Variants in IL1RAPL1 observed in about 807,000 individuals in gnomAD.
The protein encoded by IL1RAPL1 is interleukin 1 receptor accessory protein like 1.
IL1RAPL1 carries 3 observed loss-of-function variants against 48.4 expected under a neutral mutation model. That is an observed-to-expected ratio of 0.06 (90% CI 0.03 to 0.16). The LOEUF (loss-of-function observed/expected upper bound fraction) is 0.16, where lower values mean the gene tolerates loss of function less well. Ranked by LOEUF, IL1RAPL1 falls within the 10% of genes least tolerant of loss-of-function variation. The probability of loss-of-function intolerance (pLI) is 1.00; values close to 1 mark genes in which losing one functional copy is unlikely to be tolerated. For synonymous variants in IL1RAPL1, 185 were observed against 187.7 expected, an observed-to-expected ratio of 0.99 and a Z score of 0.12; for missense variants, 349 against 530.6, an observed-to-expected ratio of 0.66 and a Z score of 3.36.
chrX:28,723,042 G>T (rs1935609405), intron 1 of IL1RAPL1, among the ~76,000 whole-genome samples: 1 of 111,516 alleles, frequency 9.0e-6, no homozygotes, highest in African/African-American at 3.3e-5. Context: ...AGGGATATTG[G>T]TCTAAAATTC....
intron 1 of IL1RAPL1, among the ~76,000 whole-genome samples, chrX:28,655,811 G>T (rs1305375552): frequency 2.7e-5 from 3 of 111,562 alleles, no homozygotes; most frequent in Non-Finnish European, 1.9e-5. Context: ...TATTAAAAAG[G>T]TAATGAAAGA....
intron 1 of IL1RAPL1, among the ~76,000 whole-genome samples, chrX:28,647,103 A>G (rs949876901): frequency 8.9e-6 from 1 of 112,019 alleles, no homozygotes; most frequent in African/African-American, 3.2e-5. Context: ...CTCAGAATTG[A>G]TTCTTCTTCA....
At chrX:28,634,564 A>G (rs1350268709) in intron 1 of IL1RAPL1, among the ~76,000 whole-genome samples, 1 of 108,860 alleles carries the variant, frequency 9.2e-6, no homozygotes, top group Admixed American at 1.0e-4. Flanking sequence ...ATTTTCCCCA[A>G]CTCCTGCCAG....
chrX:28,736,331 G>A (rs756572036), intron 1 of IL1RAPL1, among the ~76,000 whole-genome samples: 3 of 109,687 alleles, frequency 2.7e-5, no homozygotes, highest in South Asian at 8.0e-4. Context: ...CTACTTGGGA[G>A]GCTGAGGCAG....
chrX:29,393,481 A>G (rs1345461950), intron 3 of IL1RAPL1, among the ~76,000 whole-genome samples: 1 of 110,629 alleles, frequency 9.0e-6, no homozygotes, highest in Non-Finnish European at 1.9e-5. Flanking sequence ...TTGAGATTGA[A>G]CCCATGAGGT....
chrX:29,405,656 A>G (rs56408418), intron 5 of IL1RAPL1, among the ~76,000 whole-genome samples: 14,279 of 105,896 alleles, frequency 0.13, 1,958 homozygotes, highest in African/African-American at 0.4. Context: ...GTGAGCCACC[A>G]CGCCCAGGCT....
intron 1 of IL1RAPL1, among the ~76,000 whole-genome samples, chrX:28,596,969 C>T (rs992329329): frequency 1.8e-5 from 2 of 110,492 alleles, no homozygotes; most frequent in Non-Finnish European, 3.8e-5. Context: ...GTGAGGCTTG[C>T]TGAAGGAGGC....
At chrX:29,237,653 T>C (rs2147562191) in intron 2 of IL1RAPL1, among the ~76,000 whole-genome samples, 1 of 112,807 alleles carries the variant, frequency 8.9e-6, no homozygotes, top group South Asian at 3.6e-4. Flanking sequence ...GTAACGTGTC[T>C]TTACAGACAT....
chrX:29,339,109 C>G (rs941479400), intron 3 of IL1RAPL1, among the ~76,000 whole-genome samples: 2 of 110,396 alleles, frequency 1.8e-5, no homozygotes, highest in East Asian at 5.7e-4. Context: ...CACACACACA[C>G]ACACGCACAC....
chrX:29,472,503 C>G (rs1934931603), intron 5 of IL1RAPL1, among the ~76,000 whole-genome samples: 2 of 111,957 alleles, frequency 1.8e-5, no homozygotes, highest in Admixed American at 1.9e-4. Context: ...CTGTCAAGGC[C>G]AGACTAATTT....
At chrX:29,078,690 C>T (rs925814897) in intron 2 of IL1RAPL1, among the ~76,000 whole-genome samples, 2 of 111,847 alleles carry the variant, frequency 1.8e-5, no homozygotes, top group African/African-American at 3.3e-5. Flanking sequence ...TTATTCTATA[C>T]TGAGTATAGA....
intron 6 of IL1RAPL1, among the ~76,000 whole-genome samples, chrX:29,713,809 T>C (rs921921157): frequency 3.6e-5 from 4 of 112,389 alleles, no homozygotes; most frequent in African/African-American, 1.3e-4. Flanking sequence ...GACTAACTTA[T>C]GTAATGCATA....
At chrX:29,094,172 C>T (rs1928151549) in intron 2 of IL1RAPL1, among the ~76,000 whole-genome samples, 1 of 111,693 alleles carries the variant, frequency 9.0e-6, no homozygotes, top group African/African-American at 3.3e-5. Context: ...GCATGCCCCC[C>T]TTTGGGATCA....
At chrX:29,124,570 T>C (rs1412911899) in intron 2 of IL1RAPL1, among the ~76,000 whole-genome samples, 2 of 112,078 alleles carry the variant, frequency 1.8e-5, no homozygotes, top group African/African-American at 3.2e-5. Context: ...GTGAAAAGGA[T>C]TGGCAAAAAG....
At chrX:28,889,487 A>C (rs2147318849) in intron 2 of IL1RAPL1, among the ~76,000 whole-genome samples, 1 of 111,881 alleles carries the variant, frequency 8.9e-6, no homozygotes, top group Admixed American at 9.5e-5. Flanking sequence ...TTGCAAGTGA[A>C]ATAGTTCCAC....
chrX:29,234,002 A>T (rs1931246665), intron 2 of IL1RAPL1, among the ~76,000 whole-genome samples: 1 of 111,682 alleles, frequency 9.0e-6, no homozygotes, highest in Non-Finnish European at 1.9e-5. Flanking sequence ...AGGAACAGAG[A>T]TCTATAACCA....
At chrX:29,550,230 C>T (rs918093138) in intron 5 of IL1RAPL1, among the ~76,000 whole-genome samples, 2 of 111,062 alleles carry the variant, frequency 1.8e-5, no homozygotes, top group Admixed American at 9.6e-5. Context: ...CTCACTCTGT[C>T]GCCCAGGCTG....
At chrX:29,410,706 AG>A (rs1934133113) in intron 5 of IL1RAPL1, among the ~76,000 whole-genome samples, 1 of 111,908 alleles carries the variant, frequency 8.9e-6, no homozygotes, top group Admixed American at 9.5e-5. Context: ...TGAGCTTGCA[AG>A]AATGTTCTTT....
intron 2 of IL1RAPL1, among the ~76,000 whole-genome samples, chrX:28,904,689 T>A (rs1923171746): frequency 8.9e-6 from 1 of 112,169 alleles, no homozygotes; most frequent in African/African-American, 3.2e-5. Context: ...GTGATTCCTT[T>A]CAATTAACAT....
Sources: allele counts gnomAD v4.1 joint callset (sites outside exome capture counted in the v4.1 genomes callset), GRCh38; gene constraint gnomAD v4.1.1; transcripts MANE v1.5; gene names NCBI Gene and HGNC (gene_info 2026-07-23, HGNC 2026-07-21).